SLC16A7: variants seen among roughly 807,000 people sequenced by gnomAD.
The protein encoded by SLC16A7 is monocarboxylate transporter 2.
In SLC16A7, 33 loss-of-function variants were observed where a neutral mutation model predicts 34.9. The observed-to-expected ratio is 0.94, with a 90% CI of 0.72 to 1.26. The LOEUF (loss-of-function observed/expected upper bound fraction) is 1.26, where lower values mean the gene tolerates loss of function less well. SLC16A7 is among the 50% of genes most tolerant of loss of function. The probability of loss-of-function intolerance (pLI) is 0.00; values close to 1 mark genes in which losing one functional copy is unlikely to be tolerated. For missense variants in SLC16A7, 573 were observed against 578.1 expected, an observed-to-expected ratio of 0.99 and a Z score of 0.09; for synonymous variants, 201 against 206.6, an observed-to-expected ratio of 0.97 and a Z score of 0.23.
chr12:59,612,748 G>A (rs958389704), intron 1 of SLC16A7, among the ~76,000 whole-genome samples: 1 of 152,082 alleles, frequency 6.6e-6, no homozygotes. Context: ...TTAGGGCAGG[G>A]GCAAATGCTA....
chr12:59,611,269 G>A (rs938712863), intron 1 of SLC16A7, among the ~76,000 whole-genome samples: 3 of 152,154 alleles, frequency 2.0e-5, no homozygotes. Flanking sequence ...ATGGTAGAAG[G>A]GGGAAGCAAA....
chr12:59,619,109 A>G (rs1013109231), intron 1 of SLC16A7, among the ~76,000 whole-genome samples: 2 of 152,124 alleles, frequency 1.3e-5, no homozygotes, highest in Non-Finnish European at 2.9e-5. Flanking sequence ...TGAACATTTT[A>G]CCAAATAGTT....
intron 2 of SLC16A7, among the ~76,000 whole-genome samples, chr12:59,677,878 C>T (rs1276785770): frequency 6.6e-6 from 1 of 152,216 alleles, no homozygotes; most frequent in Non-Finnish European, 1.5e-5. Flanking sequence ...TTACAGGATC[C>T]TTGGGTGTCA....
At chr12:59,752,629 T>C (rs1412356164) in intron 3 of SLC16A7, among the ~76,000 whole-genome samples, 1 of 152,030 alleles carries the variant, frequency 6.6e-6, no homozygotes, top group South Asian at 2.1e-4. Context: ...CTATGTCTCA[T>C]TGGTGTACCT....
chr12:59,734,110 G>A (rs1877296204), intron 3 of SLC16A7: 1 of 231,816 alleles, frequency 4.3e-6, no homozygotes, highest in South Asian at 5.0e-5. Flanking sequence ...TAAAGGTGGG[G>A]TTTCACCAAG....
Position 59,602,842 on chromosome 12 carries a change from C to T in SLC16A7, c.-130+6606C>T, listed in dbSNP as rs187364379. Among the ~76,000 whole-genome samples, 102 of 152,180 alleles carry T rather than the reference C, an allele frequency of 6.7e-4. 1 individual carries two copies. Among genetic ancestry groups the T allele is most frequent in the East Asian group, 4.8e-3 (25 of 5,158 alleles). ...ACAAAGCTCATCTGCTCTGGACCTC[C>T]GCTTTCACCTCAGTAGGAATAACTC... On this transcript the variant is annotated intron_variant, in intron 1 of 5. Coordinates refer to ENST00000547379, the MANE Select transcript of SLC16A7 (RefSeq NM_001270623.2).
At chr12:59,748,358 T>C (rs1048926539) in intron 3 of SLC16A7, among the ~76,000 whole-genome samples, 1 of 152,196 alleles carries the variant, frequency 6.6e-6, no homozygotes, top group Non-Finnish European at 1.5e-5. Context: ...TAATACATAC[T>C]GTACTACTGT....
At chr12:59,766,154 T>C (rs1207580529) in intron 3 of SLC16A7, among the ~76,000 whole-genome samples, 1 of 152,200 alleles carries the variant, frequency 6.6e-6, no homozygotes, top group African/African-American at 2.4e-5. Context: ...TGTATAGGAA[T>C]GCTTGTGATT....
At chr12:59,709,414 G>A (rs925925352) in intron 3 of SLC16A7, among the ~76,000 whole-genome samples, 2 of 151,604 alleles carry the variant, frequency 1.3e-5, no homozygotes, top group Non-Finnish European at 2.9e-5. Flanking sequence ...AGGCCGAGAA[G>A]CAAAAGGCTT....
At chr12:59,769,683 AAAT>A (rs926712188) in intron 3 of SLC16A7, among the ~76,000 whole-genome samples, 4 of 152,098 alleles carry the variant, frequency 2.6e-5, no homozygotes, top group Non-Finnish European at 5.9e-5. Context: ...TGCAGAATAA[AAAT>A]AATAATTATA....
chr12:59,717,473 A>G (rs1875055353), intron 3 of SLC16A7, among the ~76,000 whole-genome samples: 1 of 152,238 alleles, frequency 6.6e-6, no homozygotes, highest in African/African-American at 2.4e-5. Flanking sequence ...AGTCCTTCTC[A>G]TGAACACTGC....
intron 2 of SLC16A7, among the ~76,000 whole-genome samples, chr12:59,682,489 A>G (rs1398663648): frequency 6.6e-6 from 1 of 152,194 alleles, no homozygotes; most frequent in Non-Finnish European, 1.5e-5. Flanking sequence ...CAAGATGCTT[A>G]TAGTTTAGAT....
chr12:59,630,760 G>A (rs1880147145), intron 1 of SLC16A7, among the ~76,000 whole-genome samples: 2 of 151,870 alleles, frequency 1.3e-5, no homozygotes, highest in Admixed American at 1.3e-4. Context: ...TAAGTTTGTA[G>A]AGTTTAATCT....
At chr12:59,753,782 C>A (rs1879913379) in intron 3 of SLC16A7, among the ~76,000 whole-genome samples, 1 of 152,146 alleles carries the variant, frequency 6.6e-6, no homozygotes. Flanking sequence ...GAACTCTCCA[C>A]CCCAAATCAA....
chr12:59,722,600 T>G (rs916345532), intron 3 of SLC16A7, among the ~76,000 whole-genome samples: 5 of 151,876 alleles, frequency 3.3e-5, no homozygotes, highest in Non-Finnish European at 7.4e-5. Flanking sequence ...CCAGCCATGC[T>G]CTCACCTCAG....
chr12:59,768,770 T>C (rs1181791040), intron 3 of SLC16A7, among the ~76,000 whole-genome samples: 1 of 151,960 alleles, frequency 6.6e-6, no homozygotes, highest in Non-Finnish European at 1.5e-5. Flanking sequence ...GCTGAGGTGG[T>C]AGTATCACTT....
chr12:59,619,965 C>T (rs1879627195), intron 1 of SLC16A7, among the ~76,000 whole-genome samples: 1 of 151,928 alleles, frequency 6.6e-6, no homozygotes, highest in South Asian at 2.1e-4. Context: ...CTAAAATTCA[C>T]AAAGTTAGTA....
At chr12:59,774,631 C>T (rs767881033) in intron 4 of SLC16A7, 26 bp from the exon 5 acceptor site, 1 of 1,419,930 alleles carries the variant, frequency 7.0e-7, no homozygotes, top group Non-Finnish European at 9.6e-7. Context: ...TTGTGTTTTC[C>T]CCCACTTTTG....
At chr12:59,777,289 G>T (rs1882853283) in intron 5 of SLC16A7, among the ~76,000 whole-genome samples, 1 of 152,068 alleles carries the variant, frequency 6.6e-6, no homozygotes, top group Non-Finnish European at 1.5e-5. Context: ...TTCCATGTCT[G>T]CCATCTGCTA....
Sources: allele counts gnomAD v4.1 joint callset (sites outside exome capture counted in the v4.1 genomes callset), GRCh38; gene constraint gnomAD v4.1.1; transcripts MANE v1.5; gene names NCBI Gene and HGNC (gene_info 2026-07-23, HGNC 2026-07-21).